Variants in MTMR8 observed in about 807,000 individuals in gnomAD.
MTMR8 encodes phosphatidylinositol-3,5-bisphosphate 3-phosphatase MTMR8.
In MTMR8, 65 loss-of-function variants were observed where a neutral mutation model predicts 39.3. The observed-to-expected ratio is 1.65, with a 90% confidence interval of 1.35 to 2.03. The LOEUF is 2.03. Among genes scored for constraint, MTMR8 ranks in the 30% most tolerant of loss-of-function variants. The pLI is 0.00. For synonymous variants in MTMR8, 245 were observed against 185.2 expected, an observed-to-expected ratio of 1.32 and a Z score of -2.62; for missense variants, 777 against 538.9, an observed-to-expected ratio of 1.44 and a Z score of -4.37.
At chrX:64,348,908 G>A in intron 5 of MTMR8, 114 bp from the exon 6 acceptor site, 1 of 820,694 alleles carries the variant, frequency 1.2e-6, no homozygotes, top group Non-Finnish European at 1.7e-6. Context: ...ACTTAAGATA[G>A]TGTCCAAAGC....
At chrX:64,379,031 G>A (rs1421367203) in intron 1 of MTMR8, among the ~76,000 whole-genome samples, 2 of 111,641 alleles carry the variant, frequency 1.8e-5, no homozygotes, top group African/African-American at 3.3e-5. Flanking sequence ...TGATAATCTA[G>A]GTGAAATGGA....
At chrX:64,353,466 C>A (rs749624363) in intron 4 of MTMR8, among the ~76,000 whole-genome samples, 2 of 111,958 alleles carry the variant, frequency 1.8e-5, no homozygotes, top group East Asian at 2.8e-4. Flanking sequence ...AGAGGACACA[C>A]AAATGACCAA....
Position 64,357,434 on chromosome X carries a change from AT to A in MTMR8, c.148-1097del, listed in dbSNP as rs912702249. Among the ~76,000 whole-genome samples the A allele has an allele frequency of 7.2e-5, 8 of 110,748 alleles. 1 individual carries two copies. The highest frequency in any genetic ancestry group is 2.0e-4 in the African/African-American group (6 of 30,530). ...CAGATATTCCTAGGATAAATTTTCT[AT>A]TTTTTTTAAGGCAGGGTCTCGCTCT... On this transcript the variant is annotated intron_variant, in intron 2 of 13. Transcript: ENST00000374852.
At chrX:64,294,114 T>A (rs904645508) in intron 12 of MTMR8, among the ~76,000 whole-genome samples, 6 of 111,940 alleles carry the variant, frequency 5.4e-5, no homozygotes, top group African/African-American at 1.9e-4. Flanking sequence ...AATCCTCTGG[T>A]ATAGCCTATG....
intron 11 of MTMR8, among the ~76,000 whole-genome samples, chrX:64,330,282 T>G (rs1404768814): frequency 9.0e-6 from 1 of 111,170 alleles, no homozygotes; most frequent in Non-Finnish European, 1.9e-5. Flanking sequence ...TTAAAAGAAT[T>G]TGGGGAGAAA....
chrX:64,302,925 G>A (rs12688468), intron 12 of MTMR8, among the ~76,000 whole-genome samples: 1 of 112,215 alleles, frequency 8.9e-6, no homozygotes, highest in Non-Finnish European at 1.9e-5. Context: ...GAGTTCCTTA[G>A]CCCTCCTCCC....
intron 12 of MTMR8, among the ~76,000 whole-genome samples, chrX:64,295,612 C>T (rs897932803): frequency 1.8e-5 from 2 of 111,168 alleles, no homozygotes; most frequent in African/African-American, 6.5e-5. Flanking sequence ...TAAAACTCAA[C>T]CACAAAAAAC....
chrX:64,388,708 T>A (rs750208081), intron 1 of MTMR8, among the ~76,000 whole-genome samples: 1 of 112,212 alleles, frequency 8.9e-6, no homozygotes, highest in Non-Finnish European at 1.9e-5. Context: ...GTTCCACAGA[T>A]GTTAATAGGC....
chrX:64,274,247 C>T (rs924592987), intron 12 of MTMR8, among the ~76,000 whole-genome samples: 1 of 112,084 alleles, frequency 8.9e-6, no homozygotes, highest in Non-Finnish European at 1.9e-5. Flanking sequence ...TAAAATCATA[C>T]CAAGTATTTT....
intron 4 of MTMR8, among the ~76,000 whole-genome samples, chrX:64,352,211 C>T (rs769296147): frequency 1.8e-5 from 2 of 111,313 alleles, no homozygotes; most frequent in African/African-American, 3.3e-5. Flanking sequence ...TGGCAGACAA[C>T]ATTTCATAAG....
chrX:64,296,785 G>A (rs1288808451), intron 12 of MTMR8, among the ~76,000 whole-genome samples: 4 of 85,265 alleles, frequency 4.7e-5, no homozygotes, highest in Non-Finnish European at 8.5e-5. Context: ...CTGTGTCCAC[G>A]TGATCTCATT....
intron 12 of MTMR8, among the ~76,000 whole-genome samples, chrX:64,302,153 C>T (rs1489504456): frequency 1.8e-5 from 2 of 112,633 alleles, no homozygotes; most frequent in Non-Finnish European, 3.8e-5. Context: ...TGGCGGGCGC[C>T]CCTCCCCCAG....
At chrX:64,291,674 G>C (rs934121134) in intron 12 of MTMR8, among the ~76,000 whole-genome samples, 7 of 111,823 alleles carry the variant, frequency 6.3e-5, no homozygotes, top group Non-Finnish European at 1.1e-4. Flanking sequence ...GACCTACCAA[G>C]TCAATAGGAG....
intron 12 of MTMR8, among the ~76,000 whole-genome samples, chrX:64,328,385 C>A (rs945538158): frequency 2.7e-5 from 3 of 111,602 alleles, no homozygotes; most frequent in Non-Finnish European, 5.6e-5. Context: ...CCTCAGCCTG[C>A]AGAAGCTTTG....
chrX:64,296,360 G>T (rs1921581463), intron 12 of MTMR8, among the ~76,000 whole-genome samples: 1 of 111,037 alleles, frequency 9.0e-6, no homozygotes, highest in South Asian at 3.8e-4. Context: ...GTTTCTGTTT[G>T]GGATGATGAA....
At chrX:64,279,931 C>T (rs1039915139) in intron 12 of MTMR8, among the ~76,000 whole-genome samples, 6 of 111,876 alleles carry the variant, frequency 5.4e-5, no homozygotes, top group Admixed American at 9.5e-5. Flanking sequence ...TTTATATCCA[C>T]ATGCAAAAGA....
Position 64,368,246 on chromosome X carries a change from G to GA in MTMR8, c.25-8720dup, listed in dbSNP as rs765240900. On this transcript the variant is annotated intron_variant, in intron 1 of 13. Transcript: ENST00000374852. ...ACCAATTACTTTCTTCACAGAATTGGAAAAAAAACTACTGTAAAGTTCATA... is the reference window on the plus strand; with the variant it reads ...ACCAATTACTTTCTTCACAGAATTGGAAAAAAAAACTACTGTAAAGTTCATA... 2.5e-3 allele frequency among the ~76,000 whole-genome samples: 279 copies of GA among 110,223 alleles called. 2 individuals are homozygous for GA. Among genetic ancestry groups the GA allele is most frequent in the Middle Eastern group, 9.3e-3 (2 of 214 alleles).
At chrX:64,308,214 A>G (rs1922183326) in intron 12 of MTMR8, among the ~76,000 whole-genome samples, 1 of 110,825 alleles carries the variant, frequency 9.0e-6, no homozygotes, top group Non-Finnish European at 1.9e-5. Flanking sequence ...ACGAAGCATA[A>G]TACTTTTTTT....
chrX:64,357,622 A>G (rs1358854697), intron 2 of MTMR8, among the ~76,000 whole-genome samples: 1 of 110,288 alleles, frequency 9.1e-6, no homozygotes, highest in Non-Finnish European at 1.9e-5. Context: ...GAGACTAGGT[A>G]TTGCTTTGTT....
Sources: gnomAD v4.1 joint callset for allele counts (sites outside exome capture counted in the v4.1 genomes callset) on GRCh38, gnomAD v4.1.1 for gene constraint, MANE v1.5 for transcripts, NCBI Gene and HGNC (gene_info 2026-07-23, HGNC 2026-07-21) for gene names.